ASTN1: variants seen among roughly 807,000 people sequenced by gnomAD.
ASTN1 encodes the protein astrotactin 1.
ASTN1 carries 41 observed loss-of-function variants against 140.7 expected under a neutral mutation model. The ratio of observed to expected loss-of-function variants is 0.29; its 90% confidence interval spans 0.23 to 0.38. ASTN1 has a LOEUF of 0.38. Ranked by LOEUF, ASTN1 falls within the 10% of genes least tolerant of loss-of-function variation. The pLI, the probability that ASTN1 is intolerant of heterozygous loss-of-function variation, is 1.00. For missense variants in ASTN1, 1,479 were observed against 1,678.8 expected (o/e 0.88, Z 2.08); for synonymous variants, 640 against 652.2 (o/e 0.98, Z 0.29).
intron 2 of ASTN1, among the ~76,000 whole-genome samples, chr1:177,040,359 G>A (rs759276939): frequency 2.0e-5 from 3 of 152,136 alleles, no homozygotes; most frequent in Non-Finnish European, 2.9e-5. Flanking sequence ...CCACTGGCAG[G>A]GCCCAGCCCG....
intron 8 of ASTN1, among the ~76,000 whole-genome samples, chr1:176,997,292 G>C (rs1674500633): frequency 1.3e-5 from 2 of 152,160 alleles, no homozygotes; most frequent in African/African-American, 4.8e-5. Flanking sequence ...GAGAACTTAT[G>C]TAATTTGTTC....
chr1:177,091,630 A>T (rs1002492284), intron 1 of ASTN1, among the ~76,000 whole-genome samples: 2 of 152,214 alleles, frequency 1.3e-5, no homozygotes, highest in African/African-American at 4.8e-5. Context: ...AAGTTGTGCA[A>T]CTATCACTAT....
chr1:177,100,303 T>TA (rs1483272243), intron 1 of ASTN1, among the ~76,000 whole-genome samples: 3 of 152,034 alleles, frequency 2.0e-5, no homozygotes, highest in East Asian at 1.9e-4. Flanking sequence ...TCTCTGCATT[T>TA]AAAAAAAGCC....
chr1:176,939,777 T>A (rs1248328413), intron 14 of ASTN1, among the ~76,000 whole-genome samples: 1 of 139,810 alleles, frequency 7.2e-6, no homozygotes, highest in African/African-American at 2.7e-5. Context: ...CGGGCAATAT[T>A]CAAAGCAAGA....
intron 8 of ASTN1, among the ~76,000 whole-genome samples, chr1:176,998,370 C>T (rs1186145214): frequency 6.6e-6 from 1 of 152,118 alleles, no homozygotes; most frequent in Non-Finnish European, 1.5e-5. Flanking sequence ...ATAAAAGAAG[C>T]TTATGGTATA....
intron 1 of ASTN1, among the ~76,000 whole-genome samples, chr1:177,066,370 G>T (rs1678354503): frequency 6.6e-6 from 1 of 152,222 alleles, no homozygotes; most frequent in Admixed American, 6.5e-5. Context: ...GGCAGGGAAA[G>T]TCACAGCAGA....
At position 177,030,943 on chromosome 1, in the gene ASTN1, T is replaced by C. The variant is rs757211641; in HGVS notation, c.875A>G (p.Asn292Ser). ...SGMDLTPGSD[N>S]AKLSLMNKYK... ...CTTGTTCATCAGTGACAGCTTGGCA[T>C]TGTCACTTCCTGTATAAGGAAAAGA... Residue 292 changes from asparagine to serine, a missense_variant, in exon 4 of 23, where the codon AAT becomes AGT. By Grantham distance (46) the Asn-to-Ser change is conservative. Transcript: ENST00000361833. The C allele has an allele frequency of 6.2e-7, 1 of 1,612,918 alleles. No homozygotes were observed. The highest frequency in any genetic ancestry group is 1.3e-5 in the African/African-American group (1 of 74,984).
Position 176,946,004 on chromosome 1 carries a change from A to C in ASTN1, c.2171T>G (p.Leu724Arg). Residue 724 changes from leucine to arginine, a missense_variant, in exon 13 of 23, where the codon CTC becomes CGC. Transcript: ENST00000361833. ...GTAACCAAAGAACATCTCCCCAAAG[A>C]GGGTCTGGTTCATGGGAAGCTCCCT... ...ESRELPMNQTLFGEMFFGYNN... is the reference protein window; with the variant it reads ...ESRELPMNQTRFGEMFFGYNN... 1 of 1,614,120 alleles carries C rather than the reference A, an allele frequency of 6.2e-7. No homozygotes were observed. The highest frequency in any genetic ancestry group is 1.1e-5 in the South Asian group (1 of 91,068).
At chr1:177,138,201 G>T (rs574782970) in intron 1 of ASTN1, among the ~76,000 whole-genome samples, 1 of 152,280 alleles carries the variant, frequency 6.6e-6, no homozygotes, top group South Asian at 2.1e-4. Flanking sequence ...GCTAAATTTG[G>T]TTTCTATTCA....
intron 2 of ASTN1, among the ~76,000 whole-genome samples, chr1:177,044,351 T>A (rs1677116690): frequency 6.6e-6 from 1 of 152,052 alleles, no homozygotes; most frequent in Admixed American, 6.6e-5. Context: ...TTTGTTTTGT[T>A]TTTTTGAGGT....
chr1:177,044,174 A>ACAC (rs1553248856), intron 2 of ASTN1, among the ~76,000 whole-genome samples: 11 of 94,864 alleles, frequency 1.2e-4, no homozygotes, highest in Non-Finnish European at 2.3e-4. Context: ...TGAAAAAAAA[A>ACAC]ATACACACAC....
intron 1 of ASTN1, among the ~76,000 whole-genome samples, chr1:177,103,921 G>A (rs916885828): frequency 6.6e-5 from 10 of 152,142 alleles, no homozygotes; most frequent in African/African-American, 2.2e-4. Context: ...TATTTACAGT[G>A]TATACTAGCT....
intron 2 of ASTN1, among the ~76,000 whole-genome samples, chr1:177,048,093 A>C: frequency 6.6e-6 from 1 of 152,194 alleles, no homozygotes; most frequent in East Asian, 1.9e-4. Flanking sequence ...CATTAGATGA[A>C]ATCAGGTGAA....
In ASTN1 at chr1:177,032,747, T is replaced by C. The variant is rs745655514; in HGVS notation, c.574A>G (p.Ser192Gly). Residue 192 changes from serine (S) to glycine (G), a missense_variant, in exon 3 of 23, where the codon AGT becomes GGT. Ser to Gly is a moderately conservative substitution (Grantham distance 56). Around this residue, in one of 3 missense-constraint regions of ASTN1, gnomAD observed 729 missense variants for 860.4 expected, o/e 0.85. Coordinates refer to ENST00000361833, the MANE Select transcript of ASTN1 (RefSeq NM_004319.3). The part of the protein sequence containing the change: ...KRRRVPQPQK[S>G]ASAEAANEIH... ...TCATTGGCTGCCTCAGCACTGGCAC[T>C]CTTCTGGGGCTGCGGGACCCGGCGG... 1.2e-6 allele frequency: 2 copies of C among 1,613,836 alleles called. No individual in the cohort carries two copies. The highest frequency in any genetic ancestry group is 2.2e-5 in the East Asian group (1 of 44,844).
intron 1 of ASTN1, among the ~76,000 whole-genome samples, chr1:177,091,425 G>C (rs569029092): frequency 6.6e-6 from 1 of 152,204 alleles, no homozygotes; most frequent in East Asian, 1.9e-4. Flanking sequence ...GTCAGATTCA[G>C]CCCATCTTTC....
intron 21 of ASTN1, among the ~76,000 whole-genome samples, chr1:176,871,258 T>C (rs1208276728): frequency 6.6e-6 from 1 of 152,170 alleles, no homozygotes; most frequent in East Asian, 1.9e-4. Context: ...AAGAGCTGTG[T>C]TGTATTCCAT....
chr1:177,016,369 C>T (rs1268361809), intron 7 of ASTN1, among the ~76,000 whole-genome samples: 4 of 150,910 alleles, frequency 2.7e-5, no homozygotes, highest in Non-Finnish European at 5.9e-5. Context: ...TTGTCTCCTG[C>T]ATGGTGAATT....
At chr1:176,956,898 G>C (rs1461617399) in intron 11 of ASTN1, among the ~76,000 whole-genome samples, 3 of 151,960 alleles carry the variant, frequency 2.0e-5, no homozygotes, top group Non-Finnish European at 4.4e-5. Context: ...CTAGTTAATA[G>C]TATCACATTT....
chr1:177,011,340 T>G (rs1675279445), intron 8 of ASTN1, among the ~76,000 whole-genome samples: 1 of 152,172 alleles, frequency 6.6e-6, no homozygotes, highest in Non-Finnish European at 1.5e-5. Flanking sequence ...TTAGTAAGTA[T>G]TAGATTTCAT....
Sources: allele counts gnomAD v4.1 joint callset (sites outside exome capture counted in the v4.1 genomes callset), GRCh38; gene constraint gnomAD v4.1.1; regional missense constraint gnomAD v4.1.1; transcripts MANE v1.5; gene names NCBI Gene and HGNC (gene_info 2026-07-23, HGNC 2026-07-21).